Variants in TENM2 observed in about 807,000 individuals in gnomAD.
The protein encoded by TENM2 is teneurin transmembrane protein 2.
A neutral mutation model predicts 245.2 loss-of-function variants in TENM2; 52 were observed. The observed-to-expected ratio is 0.21, with a 90% CI of 0.17 to 0.27. TENM2 has a LOEUF of 0.27. Among genes scored for constraint, TENM2 ranks in the 10% least tolerant of loss-of-function variants. The probability of loss-of-function intolerance (pLI) is 1.00; values close to 1 mark genes in which losing one functional copy is unlikely to be tolerated. For missense variants in TENM2, 3,046 were observed against 3,666.8 expected (o/e 0.83, Z 4.37); for synonymous variants, 1,363 against 1,438.9 (o/e 0.95, Z 1.19).
intron 2 of TENM2, among the ~76,000 whole-genome samples, chr5:167,686,829 G>A (rs888797522): frequency 2.0e-5 from 3 of 152,110 alleles, no homozygotes; most frequent in Admixed American, 2.0e-4. Flanking sequence ...CAGCTTAGGA[G>A]CCCCATTTCT....
intron 2 of TENM2, among the ~76,000 whole-genome samples, chr5:167,602,091 T>G (rs1776678837): frequency 6.6e-6 from 1 of 152,082 alleles, no homozygotes; most frequent in Non-Finnish European, 1.5e-5. Flanking sequence ...TGGCCATGAA[T>G]ACTGCTATGA....
intron 2 of TENM2, among the ~76,000 whole-genome samples, chr5:167,783,387 A>C (rs1764338816): frequency 6.6e-6 from 1 of 152,116 alleles, no homozygotes; most frequent in Non-Finnish European, 1.5e-5. Context: ...GCTGCAGGGC[A>C]GACCCACATG....
chr5:167,686,161 G>A (rs1289813683), intron 2 of TENM2, among the ~76,000 whole-genome samples: 2 of 152,164 alleles, frequency 1.3e-5, no homozygotes, highest in African/African-American at 2.4e-5. Flanking sequence ...TACTTGTCCC[G>A]TGGCAAAGAA....
chr5:168,228,999 AATAC>A (rs940115304), intron 25 of TENM2, among the ~76,000 whole-genome samples: 10 of 147,846 alleles, frequency 6.8e-5, no homozygotes, highest in African/African-American at 2.5e-4. Flanking sequence ...ATACATATAT[AATAC>A]ATTATATGTA....
At chr5:167,000,941 TTGTC>T in the TENM2 span, among the ~76,000 whole-genome samples, 77 of 152,108 alleles carry the variant, frequency 5.1e-4, no homozygotes, top group Non-Finnish European at 1.0e-3. Flanking sequence ...TCTAAAAATT[TTGTC>T]TGTGGTTTTT....
rs1646638306 is a variant in TENM2 at position 167,968,507 on chromosome 5, G to A, written c.947+15685G>A. Among the ~76,000 whole-genome samples the A allele has an allele frequency of 2.0e-5, 3 of 152,250 alleles. No homozygotes were observed. The South Asian group carries it at 6.2e-4, about 32-fold the overall frequency. On this transcript the variant is annotated intron_variant, in intron 4 of 28. Transcript: ENST00000518659. ...TTGCTAGAGCTTCAATTGCGAACCA[G>A]CATTCATGAGTCCATTTCTCAACAA...
chr5:168,107,829 T>G (rs1794375363), intron 9 of TENM2, among the ~76,000 whole-genome samples: 2 of 152,332 alleles, frequency 1.3e-5, no homozygotes, highest in South Asian at 4.1e-4. Flanking sequence ...TGGAAAGCCA[T>G]GCTCACAGGT....
the TENM2 span, among the ~76,000 whole-genome samples, chr5:166,998,477 C>G: frequency 6.6e-6 from 1 of 152,148 alleles, no homozygotes; most frequent in African/African-American, 2.4e-5. Flanking sequence ...AAACTTCCAA[C>G]TGCAGTAATC....
At chr5:168,169,499 CT>C (rs754726771) in intron 13 of TENM2, among the ~76,000 whole-genome samples, 3 of 152,214 alleles carry the variant, frequency 2.0e-5, no homozygotes, top group Non-Finnish European at 2.9e-5. Flanking sequence ...GTCCAAAGCA[CT>C]TGGAACAGAC....
upstream of TENM2, among the ~76,000 whole-genome samples, chr5:167,280,936 A>G (rs1017552278): frequency 2.0e-5 from 3 of 151,696 alleles, no homozygotes; most frequent in Non-Finnish European, 4.4e-5. Context: ...ATAATCTTAC[A>G]TGTTTTATTT....
At chr5:167,085,934 A>G in the TENM2 span, among the ~76,000 whole-genome samples, 2 of 152,302 alleles carry the variant, frequency 1.3e-5, no homozygotes, top group East Asian at 1.9e-4. Context: ...ATTGATCACT[A>G]TGAGAATTTC....
intron 2 of TENM2, among the ~76,000 whole-genome samples, chr5:167,824,512 C>G (rs1197999937): frequency 2.0e-5 from 3 of 152,064 alleles, no homozygotes. Flanking sequence ...TCCTGGAAGC[C>G]AAGGGGCAGG....
chr5:167,961,197 C>G (rs1780987831), intron 4 of TENM2, among the ~76,000 whole-genome samples: 1 of 152,232 alleles, frequency 6.6e-6, no homozygotes, highest in South Asian at 2.1e-4. Flanking sequence ...TGTCTACAAT[C>G]TTAATCTTTA....
chr5:168,160,574 T>C (rs1192990147), intron 12 of TENM2, among the ~76,000 whole-genome samples: 1 of 152,166 alleles, frequency 6.6e-6, no homozygotes, highest in African/African-American at 2.4e-5. Context: ...GTCTCTTCTG[T>C]TGCATGCACT....
At position 167,445,369 on chromosome 5, in the gene TENM2, A is replaced by AGAGAGAGAGAGTGAGT. The variant is rs35699708; in HGVS notation, c.502+69897_502+69898insAGAGAGAGAGTGAGTG. Among the ~76,000 whole-genome samples the AGAGAGAGAGAGTGAGT allele has an allele frequency of 1.8e-3, 180 of 98,542 alleles. 4 individuals are homozygous for AGAGAGAGAGAGTGAGT. Among genetic ancestry groups the AGAGAGAGAGAGTGAGT allele is most frequent in the African/African-American group, 7.7e-3 (152 of 19,790 alleles). The allele number at this position is 98,542 out of a possible 152,430, so 64.6% of individuals were successfully genotyped here. On this transcript the variant is annotated intron_variant, in intron 2 of 28. Transcript: ENST00000518659. ...GAGAGAGAGAGAGAGAGAGAGAGAG[A>AGAGAGAGAGAGTGAGT]GTGTCAGGTGTTGTCTTGTTGTTGG...
the TENM2 span, among the ~76,000 whole-genome samples, chr5:167,068,664 C>T: frequency 6.6e-6 from 1 of 152,128 alleles, no homozygotes; most frequent in Non-Finnish European, 1.5e-5. Context: ...TACTATATTA[C>T]ACAGTGTAGA....
At chr5:167,873,210 G>A (rs1272581846) in intron 2 of TENM2, among the ~76,000 whole-genome samples, 1 of 152,188 alleles carries the variant, frequency 6.6e-6, no homozygotes, top group Non-Finnish European at 1.5e-5. Context: ...AAAATTACAA[G>A]AAAAACTTTG....
intron 2 of TENM2, among the ~76,000 whole-genome samples, chr5:167,381,534 A>AT (rs1392865855): frequency 6.6e-6 from 1 of 152,140 alleles, no homozygotes; most frequent in African/African-American, 2.4e-5. Flanking sequence ...TATATTAGAA[A>AT]TTTTTATTTT....
At chr5:167,443,115 G>A (rs1484968347) in intron 2 of TENM2, among the ~76,000 whole-genome samples, 2 of 152,166 alleles carry the variant, frequency 1.3e-5, no homozygotes, top group African/African-American at 2.4e-5. Flanking sequence ...ATGATGATAA[G>A]GTTTATTATT....
Sources: allele counts gnomAD v4.1 joint callset (sites outside exome capture counted in the v4.1 genomes callset), GRCh38; gene constraint gnomAD v4.1.1; transcripts MANE v1.5; gene names NCBI Gene and HGNC (gene_info 2026-07-23, HGNC 2026-07-21).